The following ARF1 variants were observed in gnomAD, a reference collection of about 807,000 sequenced individuals.
ARF1 encodes the protein ADP-ribosylation factor 1.
Under a neutral mutation model 18.0 loss-of-function variants are expected in ARF1, and 1 was observed. The ratio of observed to expected loss-of-function variants is 0.06; its 90% CI spans 0.02 to 0.26. The LOEUF (loss-of-function observed/expected upper bound fraction) is 0.26, where lower values mean the gene tolerates loss of function less well. ARF1 is among the 10% of genes least tolerant of loss of function. ARF1 has a pLI of 1.00. For missense variants in ARF1, 73 were observed against 247.2 expected (o/e 0.30, Z 4.73); for synonymous variants, 112 against 96.3 (o/e 1.16, Z -0.95).
At position 228,097,765 on chromosome 1, in the gene ARF1, G is replaced by T. The variant is rs781034886; in HGVS notation, c.384+50G>T. The stretch of plus-strand genomic sequence containing the variant: ...AATGTGAGGAGCCAGTGTGGGTTCC[G>T]CCTGGTGGTAGGGGTTACTGGAGGC... On this transcript the variant is annotated intron_variant, in intron 4 of 4. Transcript: ENST00000272102. The surrounding 1 kb of genome is among the most constrained non-coding windows in gnomAD (Gnocchi z 8.1). 1.3e-6 allele frequency: 2 copies of T among 1,590,198 alleles called. No homozygotes were observed. The highest frequency in any genetic ancestry group is 4.5e-5 in the East Asian group (2 of 44,696).
chr1:228,099,110 C>T lies in ARF1; in HGVS notation c.*1097C>T, dbSNP rs906152682. The T allele has an allele frequency of 1.3e-5, 2 of 152,704 alleles. No individual in the cohort carries two copies. Among genetic ancestry groups the T allele is most frequent in the Non-Finnish European group, 1.5e-5 (1 of 68,050 alleles). The allele number at this position is 152,704 out of a possible 1,614,324, so 9.5% of individuals were successfully genotyped here. A position where few individuals can be genotyped will look rare whatever the true frequency, so the allele number is the denominator to read the frequency against. On this transcript the variant is annotated 3_prime_UTR_variant, in exon 5 of 5. Coordinates refer to ENST00000272102, the MANE Select transcript of ARF1 (RefSeq NM_001658.4). ...GTGGAACCTCTTACTGCTTTCAATA[C>T]ACGATTAGTAATCAACTGTTTTGTA...
At chr1:228,094,663 G>A (rs2032682437) in intron 1 of ARF1, among the ~76,000 whole-genome samples, 1 of 152,116 alleles carries the variant, frequency 6.6e-6, no homozygotes, top group Non-Finnish European at 1.5e-5. Flanking sequence ...GTTGCTGTGG[G>A]CTCGCATCCT....
In ARF1 at chr1:228,097,293, G is replaced by A. The variant is rs2124857309; in HGVS notation, c.148+31G>A. ...GTGGGGGCCAGCAGGGAGTGGGCTG[G>A]GCTGGGCTGGGCCAAGGTACAAGGC... is the stretch of plus-strand genomic sequence containing the variant. On this transcript the variant is annotated intron_variant, in intron 2 of 4. Transcript: ENST00000272102. The surrounding 1 kb of genome is among the most constrained non-coding windows in gnomAD (Gnocchi z 8.1). 2 of 1,609,520 alleles carry A rather than the reference G, an allele frequency of 1.2e-6. No individual in the cohort carries two copies. Among genetic ancestry groups the A allele is most frequent in the East Asian group, 4.5e-5 (2 of 44,814 alleles).
In ARF1 at chr1:228,082,761, C is replaced by G. The variant is rs973568539; in HGVS notation, c.-42C>G. 3.3e-5 allele frequency: 5 copies of G among 152,092 alleles called. No individual in the cohort carries two copies. Among genetic ancestry groups the G allele is most frequent in the African/African-American group, 9.7e-5 (4 of 41,418 alleles). The allele number at this position is 152,092 out of a possible 1,614,324, so 9.4% of individuals were successfully genotyped here. On this transcript the variant is annotated 5_prime_UTR_variant, in exon 1 of 5. Transcript: ENST00000272102. This position sits in a 1 kb window ranked among gnomAD's most constrained non-coding sequence, Gnocchi z 6.1. The stretch of plus-strand genomic sequence containing the variant: ...AACGCCTGGCTCGGAGCAGCAGCCT[C>G]TGAGGTGAGGGCGAGGGGCGCGGGC...
intron 1 of ARF1, among the ~76,000 whole-genome samples, chr1:228,086,792 T>C (rs1369897415): frequency 6.6e-6 from 1 of 152,208 alleles, no homozygotes; most frequent in African/African-American, 2.4e-5. Context: ...AGCAAATTAA[T>C]TGAACCCAAG....
chr1:228,087,733 G>A (rs539655251), intron 1 of ARF1, among the ~76,000 whole-genome samples: 3 of 152,260 alleles, frequency 2.0e-5, no homozygotes, highest in Admixed American at 6.5e-5. Context: ...TCCCTCTTGT[G>A]TCTGACATCA....
At chr1:228,085,046 A>G (rs1018894828) in intron 1 of ARF1, among the ~76,000 whole-genome samples, 3 of 152,228 alleles carry the variant, frequency 2.0e-5, no homozygotes, top group Non-Finnish European at 1.5e-5. Flanking sequence ...CGTAAATTCA[A>G]GAGGGTGAAA....
intron 1 of ARF1, among the ~76,000 whole-genome samples, chr1:228,088,852 G>A (rs1015200133): frequency 2.0e-5 from 3 of 152,194 alleles, no homozygotes; most frequent in African/African-American, 7.2e-5. Flanking sequence ...GTGCTGGGAT[G>A]CTGTCTCTAC....
chr1:228,097,531 CCCATAGATG>C lies in ARF1; in HGVS notation c.260-58_260-50del. On this transcript the variant is annotated intron_variant, in intron 3 of 4. Transcript: ENST00000272102. This position sits in a 1 kb window ranked among gnomAD's most constrained non-coding sequence, Gnocchi z 8.1. ...CCAGCCCATAGATGGGGCATCGATG[CCCATAGATG>C]CGGCAGGGGGGCTGTGTTCCCATGA... The C allele has an allele frequency of 6.2e-7, 1 of 1,613,836 alleles. No homozygotes were observed. The highest frequency in any genetic ancestry group is 8.5e-7 in the Non-Finnish European group (1 of 1,179,936).
Position 228,082,926 on chromosome 1 carries a change from G to A in ARF1, c.-38+161G>A, listed in dbSNP as rs2032259176. The A allele has an allele frequency of 6.5e-6, 1 of 152,684 alleles. No individual in the cohort carries two copies. Among genetic ancestry groups the A allele is most frequent in the Admixed American group, 6.6e-5 (1 of 15,260 alleles). The allele number at this position is 152,684 out of a possible 1,614,324, so 9.5% of individuals were successfully genotyped here. A position where few individuals can be genotyped will look rare whatever the true frequency, so the allele number is the denominator to read the frequency against. ...GCCGGGGGCGGACGCAGACGGGCCG[G>A]GCTGAGGCTGGGGCCCGGCCGGAGT... On this transcript the variant is annotated intron_variant, in intron 1 of 4. Coordinates refer to ENST00000272102, the MANE Select transcript of ARF1 (RefSeq NM_001658.4). This position sits in a 1 kb window ranked among gnomAD's most constrained non-coding sequence, Gnocchi z 6.1.
intron 1 of ARF1, among the ~76,000 whole-genome samples, chr1:228,084,944 A>G (rs2032346177): frequency 6.6e-6 from 1 of 152,192 alleles, no homozygotes; most frequent in Non-Finnish European, 1.5e-5. Flanking sequence ...CTGAGCTGTG[A>G]CCATTCTCCT....
rs2032822008 is a variant in ARF1, at chr1:228,098,285, G to T, written c.*272G>T. The T allele has an allele frequency of 6.6e-6, 2 of 301,008 alleles. No individual in the cohort carries two copies. The highest frequency in any genetic ancestry group is 6.1e-6 in the Non-Finnish European group (1 of 165,154). The allele number at this position is 301,008 out of a possible 1,614,324, so 18.6% of individuals were successfully genotyped here. ...AAGAAAAATCAACTCACTGTTCAGT[G>T]CTGAGAGGGGATGTAGGCCCATGGG... is the stretch of plus-strand genomic sequence containing the variant. On this transcript the variant is annotated 3_prime_UTR_variant, in exon 5 of 5. Transcript: ENST00000272102.
At chr1:228,085,820 C>A (rs991503598) in intron 1 of ARF1, among the ~76,000 whole-genome samples, 37 of 152,224 alleles carry the variant, frequency 2.4e-4, no homozygotes, top group Non-Finnish European at 5.3e-4. Flanking sequence ...TGATTCAGTC[C>A]ATGAACATTT....
intron 1 of ARF1, among the ~76,000 whole-genome samples, chr1:228,083,832 A>G (rs1028266220): frequency 1.3e-5 from 2 of 152,222 alleles, no homozygotes; most frequent in Non-Finnish European, 2.9e-5. Flanking sequence ...CAGTCCAGGC[A>G]GCCAGTTGCT....
chr1:228,085,691 A>G (rs1013298492), intron 1 of ARF1, among the ~76,000 whole-genome samples: 4 of 152,234 alleles, frequency 2.6e-5, no homozygotes, highest in African/African-American at 9.6e-5. Context: ...CATAAAAGGC[A>G]GGCAGATTTT....
In ARF1 at chr1:228,084,183, A is replaced by G. The variant is rs113597226; in HGVS notation, c.-38+1418A>G. Among the ~76,000 whole-genome samples, 16 of 152,328 alleles carry G rather than the reference A, an allele frequency of 1.1e-4. 1 individual carries two copies. The highest frequency in any genetic ancestry group is 3.8e-4 in the African/African-American group (16 of 41,570). On this transcript the variant is annotated intron_variant, in intron 1 of 4. Coordinates refer to ENST00000272102, the MANE Select transcript of ARF1 (RefSeq NM_001658.4). ...ACCGCATGGATGGTGTCCTCATTTA[A>G]TTTGAATTTTCACCAGCACTGCCTA... is the stretch of plus-strand genomic sequence containing the variant.
Position 228,089,748 on chromosome 1 carries a change from C to CT in ARF1, c.-38+6993dup, listed in dbSNP as rs905186158. 1.3e-3 allele frequency among the ~76,000 whole-genome samples: 191 copies of CT among 149,420 alleles called. No individual in the cohort carries two copies. Among genetic ancestry groups the CT allele is most frequent in the East Asian group, 2.2e-3 (11 of 5,090 alleles). On this transcript the variant is annotated intron_variant, in intron 1 of 4. Coordinates refer to ENST00000272102, the MANE Select transcript of ARF1 (RefSeq NM_001658.4). The surrounding 1 kb of genome is among the most constrained non-coding windows in gnomAD (Gnocchi z 4.1). ...CCAGCAGTGTGCTGTTCCAGTTCCC[C>CT]TTTTTTTTTTCAAGTGGTGTAGAAA...
In ARF1 at chr1:228,097,498, A is replaced by G. The variant is rs1000671194; in HGVS notation, c.259+46A>G. 6 of 1,612,588 alleles carry G rather than the reference A, an allele frequency of 3.7e-6. No homozygotes were observed. Among genetic ancestry groups the G allele is most frequent in the South Asian group, 1.1e-5 (1 of 90,996 alleles). On this transcript the variant is annotated intron_variant, in intron 3 of 4. Transcript: ENST00000272102. This position sits in a 1 kb window ranked among gnomAD's most constrained non-coding sequence, Gnocchi z 8.1. The stretch of plus-strand genomic sequence containing the variant: ...CCCATGGGCACTCCTGCTTCTAGAG[A>G]GGGGGGGCCAGCCCATAGATGGGGC...
chr1:228,094,203 T>C (rs1280770520), intron 1 of ARF1, among the ~76,000 whole-genome samples: 1 of 152,156 alleles, frequency 6.6e-6, no homozygotes, highest in Admixed American at 6.5e-5. Context: ...TGTGCTTCAG[T>C]GGTCGTGGCA....
Sources: gnomAD v4.1 joint callset for allele counts (sites outside exome capture counted in the v4.1 genomes callset) on GRCh38, gnomAD v4.1.1 for gene constraint, Gnocchi (gnomAD v3.1) non-coding constraint, MANE v1.5 for transcripts, NCBI Gene and HGNC (gene_info 2026-07-23, HGNC 2026-07-21) for gene names.